The following CYP2C8 variants were observed in gnomAD, a reference collection of about 807,000 sequenced individuals.
The protein encoded by CYP2C8 is cytochrome P450 family 2 subfamily C member 8, also known as cytochrome P450 2C8.
A neutral mutation model predicts 41.3 loss-of-function variants in CYP2C8; 51 were observed. The ratio of observed to expected loss-of-function variants is 1.24; its 90% CI spans 0.99 to 1.56. The LOEUF is 1.56. Among genes scored for constraint, CYP2C8 ranks in the 40% most tolerant of loss-of-function variants. The pLI, the probability that CYP2C8 is intolerant of heterozygous loss-of-function variation, is 0.00. For missense variants in CYP2C8, 651 were observed against 579.9 expected (o/e 1.12, Z -1.26); for synonymous variants, 218 against 205.8 (o/e 1.06, Z -0.51).
At chr10:95,061,939 G>T (rs902171213) in intron 4 of CYP2C8, among the ~76,000 whole-genome samples, 53 of 152,326 alleles carry the variant, frequency 3.5e-4, no homozygotes, top group African/African-American at 1.1e-3. Context: ...TGTCCATGTA[G>T]TTGAGTGGTT....
rs1400611147 is a variant in CYP2C8 at position 95,069,305 on chromosome 10, G to A, written c.98C>T (p.Pro33Leu). ...ATTTCCAATAATAGGAAGAGGAGTGGGGCCAGGAGGGAGCTTCCTTCTCCT... is the reference window on the plus strand; with the variant it reads ...ATTTCCAATAATAGGAAGAGGAGTGAGGCCAGGAGGGAGCTTCCTTCTCCT... ...SCRRRKLPPG[P>L]TPLPIIGNML... Residue 33 changes from proline (P) to leucine (L), a missense_variant, in exon 1 of 9, where the codon CCC becomes CTC. Pro to Leu is a moderately conservative substitution (Grantham distance 98). Coordinates refer to ENST00000371270, the MANE Select transcript of CYP2C8 (RefSeq NM_000770.3). 16 of 1,614,028 alleles carry A rather than the reference G, an allele frequency of 9.9e-6. No homozygotes were observed. Among genetic ancestry groups the A allele is most frequent in the Non-Finnish European group, 1.4e-5 (16 of 1,179,944 alleles).
rs537326361 is a variant in CYP2C8 at position 95,045,816 on chromosome 10, C to G, written c.955G>C (p.Val319Leu). The change falls in exon 6 of 9, where the codon GTC (valine) becomes CTC (leucine). Residue 319 changes from valine to leucine, a missense_variant. Physicochemically the swap from Val to Leu is conservative, Grantham distance 32 (BLOSUM62 1). Coordinates refer to ENST00000371270, the MANE Select transcript of CYP2C8 (RefSeq NM_000770.3). ...GLLLLLKHPE[V>L]TAKVQEEIDH... ...TCATCATCTGTGGTCCTACCTGTGACCTCTGGGTGCTTCAGCAGGAGCAGG... is the reference window on the plus strand; with the variant it reads ...TCATCATCTGTGGTCCTACCTGTGAGCTCTGGGTGCTTCAGCAGGAGCAGG... 19 of 1,613,836 alleles carry G rather than the reference C, an allele frequency of 1.2e-5. No homozygotes were observed. Among genetic ancestry groups the G allele is most frequent in the Middle Eastern group, 1.6e-4 (1 of 6,084 alleles).
chr10:95,054,398 G>A (rs781491169), intron 5 of CYP2C8, among the ~76,000 whole-genome samples: 2 of 151,668 alleles, frequency 1.3e-5, no homozygotes, highest in Non-Finnish European at 2.9e-5. Flanking sequence ...ATGAATAGAA[G>A]GGAAATTTCT....
At chr10:95,041,326 G>C (rs951262481) in intron 7 of CYP2C8, among the ~76,000 whole-genome samples, 1 of 152,178 alleles carries the variant, frequency 6.6e-6, no homozygotes, top group Non-Finnish European at 1.5e-5. Context: ...AGATGACACT[G>C]TTAATTTCTA....
At chr10:95,040,980 G>A (rs1205283923) in intron 7 of CYP2C8, 1 of 456,198 alleles carries the variant, frequency 2.2e-6, no homozygotes, top group Non-Finnish European at 4.4e-6. Flanking sequence ...AAATTTTGAG[G>A]AAGAAAAATT....
chr10:95,038,636 A>G (rs1012750555), intron 8 of CYP2C8, among the ~76,000 whole-genome samples: 6 of 152,146 alleles, frequency 3.9e-5, no homozygotes, highest in Non-Finnish European at 7.3e-5. Flanking sequence ...TTAGTGATGT[A>G]TCTAGTGGCA....
At chr10:95,056,997 TAGA>T (rs2033327948) in intron 5 of CYP2C8, among the ~76,000 whole-genome samples, 2 of 152,086 alleles carry the variant, frequency 1.3e-5, no homozygotes, top group South Asian at 4.2e-4. Flanking sequence ...AGGCAGAGAG[TAGA>T]AGCTCAGGGC....
intron 5 of CYP2C8, among the ~76,000 whole-genome samples, chr10:95,050,084 G>A (rs1378637911): frequency 2.0e-5 from 3 of 151,974 alleles, no homozygotes; most frequent in African/African-American, 7.2e-5. Flanking sequence ...AGCACCAAGT[G>A]CACTCCTGGA....
At position 95,058,414 on chromosome 10, in the gene CYP2C8, T is replaced by C. The variant is rs769460274; in HGVS notation, c.740A>G (p.Lys247Arg). The C allele has an allele frequency of 8.7e-6, 14 of 1,613,430 alleles. No individual in the cohort carries two copies. The East Asian group carries it at 3.1e-4, about 36-fold the overall frequency. ...CAGTGATGCTTGGTGTTCTTTTACT[T>C]TCTCCCTAATGTAACTTCGTGTAAG... ...VALTRSYIRE[K>R]VKEHQASLDV... Residue 247 changes from lysine to arginine, a missense_variant, in exon 5 of 9, where the codon AAA becomes AGA. Lys to Arg is a conservative substitution (Grantham distance 26, BLOSUM62 2). Transcript: ENST00000371270.
At chr10:95,048,248 G>A (rs927766686) in intron 5 of CYP2C8, among the ~76,000 whole-genome samples, 2 of 152,294 alleles carry the variant, frequency 1.3e-5, no homozygotes, top group Non-Finnish European at 2.9e-5. Context: ...TCCTTCTGAG[G>A]ATAATTGAAC....
chr10:95,040,906 A>C (rs1276460166), intron 7 of CYP2C8: 1 of 456,168 alleles, frequency 2.2e-6, no homozygotes, highest in Admixed American at 2.3e-5. Context: ...GACCCACATT[A>C]GGGAACGTTT....
At chr10:95,041,394 T>C (rs1372129997) in intron 7 of CYP2C8, among the ~76,000 whole-genome samples, 1 of 152,236 alleles carries the variant, frequency 6.6e-6, no homozygotes, top group Non-Finnish European at 1.5e-5. Flanking sequence ...TACTGTTCTA[T>C]GAGAATGATT....
At chr10:95,057,800 T>A (rs1483435532) in intron 5 of CYP2C8, among the ~76,000 whole-genome samples, 4 of 152,212 alleles carry the variant, frequency 2.6e-5, no homozygotes, top group African/African-American at 9.6e-5. Flanking sequence ...TTGTGCAAAT[T>A]CATTTTAGGT....
At chr10:95,064,426 G>C (rs2033514021) in intron 4 of CYP2C8, among the ~76,000 whole-genome samples, 1 of 152,172 alleles carries the variant, frequency 6.6e-6, no homozygotes, top group South Asian at 2.1e-4. Flanking sequence ...GACCCTCCAA[G>C]CCAGGTGCAG....
intron 7 of CYP2C8, among the ~76,000 whole-genome samples, chr10:95,042,414 TAAA>T (rs1564734205): frequency 2.7e-5 from 4 of 150,770 alleles, no homozygotes; most frequent in Non-Finnish European, 5.9e-5. Context: ...AAAAAAAAAT[TAAA>T]AAATTATAAC....
intron 7 of CYP2C8, among the ~76,000 whole-genome samples, chr10:95,041,781 C>G (rs1232145876): frequency 2.3e-5 from 2 of 86,902 alleles, no homozygotes; most frequent in African/African-American, 9.8e-5. Context: ...GAGCGAGACT[C>G]CGTCTCAAAA....
intron 5 of CYP2C8, among the ~76,000 whole-genome samples, chr10:95,052,293 T>A (rs1010987710): frequency 1.3e-5 from 2 of 151,912 alleles, no homozygotes; most frequent in Non-Finnish European, 1.5e-5. Context: ...TAGCAAATAA[T>A]CAGATTGAAC....
At chr10:95,046,978 A>G (rs1046797594) in intron 5 of CYP2C8, among the ~76,000 whole-genome samples, 1 of 152,180 alleles carries the variant, frequency 6.6e-6, no homozygotes, top group Non-Finnish European at 1.5e-5. Flanking sequence ...TGATTGGGTC[A>G]TGGGGGTAGA....
rs536506320 is a variant in CYP2C8, at chr10:95,069,040, G to A, written c.168+195C>T. On this transcript the variant is annotated intron_variant, in intron 1 of 8. Transcript: ENST00000371270. The stretch of plus-strand genomic sequence containing the variant: ...ATAGTGCCACTGCACTCCAGCCTGG[G>A]CAATAGAGCGAGACTCCGTCTCAAA... Among the ~76,000 whole-genome samples the A allele has an allele frequency of 6.7e-5, 10 of 149,250 alleles. No homozygotes were observed. In the East Asian group the frequency reaches 1.8e-3, roughly 27 times the overall value.
Sources: allele counts gnomAD v4.1 joint callset (sites outside exome capture counted in the v4.1 genomes callset), GRCh38; gene constraint gnomAD v4.1.1; transcripts MANE v1.5; gene names NCBI Gene and HGNC (gene_info 2026-07-23, HGNC 2026-07-21).